Variants in MON1A observed in about 807,000 individuals in gnomAD.
MON1A encodes the protein vacuolar fusion protein MON1 homolog A.
A neutral mutation model predicts 44.6 loss-of-function variants in MON1A; 29 were observed. The observed-to-expected ratio is 0.65, with a 90% CI of 0.48 to 0.89. The LOEUF is 0.89. Ranked by LOEUF, MON1A falls within the 40% of genes least tolerant of loss-of-function variation. The probability of loss-of-function intolerance (pLI) is 0.00; values close to 1 mark genes in which losing one functional copy is unlikely to be tolerated. For synonymous variants in MON1A, 275 were observed against 316.4 expected (o/e 0.87, Z 1.39); for missense variants, 615 against 759.6 (o/e 0.81, Z 2.24).
chr3:49,922,137 CAA>C (rs57221907), intron 1 of MON1A, among the ~76,000 whole-genome samples: 81 of 134,954 alleles, frequency 6.0e-4, no homozygotes, highest in East Asian at 7.6e-4. Context: ...AGCTCTGTCT[CAA>C]AAAAAAAAAA....
chr3:49,909,611 C>G lies in MON1A; in HGVS notation c.1380-211G>C. 1.6e-6 allele frequency: 1 copy of G among 613,310 alleles called. No homozygotes were observed. The highest frequency in any genetic ancestry group is 1.8e-5 in the African/African-American group (1 of 54,222). 38.0% of individuals were successfully genotyped at this position (613,310 alleles called of 1,614,324 possible). A position where few individuals can be genotyped will look rare whatever the true frequency, so the allele number is the denominator to read the frequency against. The stretch of plus-strand genomic sequence containing the variant: ...GAGACTAGAGCTATGTCCCCTCTTA[C>G]CCCCTAAGCTCATAGTGTCTTTGGT... On this transcript the variant is annotated intron_variant, in intron 4 of 5. Transcript: ENST00000296473. The surrounding 1 kb of genome is among the most constrained non-coding windows in gnomAD (Gnocchi z 4.0).
intron 1 of MON1A, among the ~76,000 whole-genome samples, chr3:49,927,699 G>C (rs1229777315): frequency 6.6e-6 from 1 of 152,104 alleles, no homozygotes; most frequent in Non-Finnish European, 1.5e-5. Flanking sequence ...TGCAGGAATA[G>C]ACAACGGGCT....
In MON1A at chr3:49,911,330, T is replaced by C. The variant is rs2082883916; in HGVS notation, c.613+196A>G. Among the ~76,000 whole-genome samples the C allele has an allele frequency of 2.0e-5, 3 of 152,144 alleles. No homozygotes were observed. The highest frequency in any genetic ancestry group is 2.0e-4 in the Admixed American group (3 of 15,280). On this transcript the variant is annotated intron_variant, in intron 3 of 5. Coordinates refer to ENST00000296473, the MANE Select transcript of MON1A (RefSeq NM_032355.4). The surrounding 1 kb of genome is among the most constrained non-coding windows in gnomAD (Gnocchi z 5.7). ...AAGCCCATGTCAGAGGCAACTTTGG[T>C]CCTCGCCGCAGCCCCATGAGGCCAG...
At position 49,929,620 on chromosome 3, in the gene MON1A, A is replaced by C. The variant is rs982259515; in HGVS notation, c.-25T>G. 5.8e-6 allele frequency: 9 copies of C among 1,551,524 alleles called. No homozygotes were observed. In the African/African-American group the frequency reaches 1.2e-4, roughly 21 times the overall value. ...GGCAGTCAACTCACCTGTTTCTCAG[A>C]GGAGTCCAGGACGCACAGAAGGTGC... On this transcript the variant is annotated 5_prime_UTR_variant, in exon 1 of 6. Transcript: ENST00000296473.
At chr3:49,914,962 T>C (rs77144159) in intron 1 of MON1A, among the ~76,000 whole-genome samples, 3,159 of 152,292 alleles carry the variant, frequency 0.021, 133 homozygotes, top group African/African-American at 0.073. Context: ...ATTACAGGCA[T>C]GAGCCACCAT....
intron 1 of MON1A, among the ~76,000 whole-genome samples, chr3:49,928,895 A>G (rs2108542054): frequency 6.6e-6 from 1 of 152,222 alleles, no homozygotes; most frequent in South Asian, 2.1e-4. Flanking sequence ...ACAAGGGACA[A>G]CCCAGTTGCA....
In MON1A at chr3:49,910,718, C is replaced by A. The variant is rs759274953; in HGVS notation, c.780G>T (p.Gln260His). ...AQLSHIFQQKQNYDLRRLLSG... is the reference protein window; with the variant it reads ...AQLSHIFQQKHNYDLRRLLSG... ...AGAGTAGGCGCCGCAAATCATAGTT[C>A]TGCTTCTGCTGGAAGATGTGGCTCA... Residue 260 changes from glutamine to histidine, a missense_variant, in exon 4 of 6, where the codon CAG becomes CAT. Physicochemically the swap from Gln to His is conservative, Grantham distance 24. Coordinates refer to ENST00000296473, the MANE Select transcript of MON1A (RefSeq NM_032355.4). The surrounding 1 kb of genome is among the most constrained non-coding windows in gnomAD (Gnocchi z 8.0). 4 of 1,613,722 alleles carry A rather than the reference C, an allele frequency of 2.5e-6. No individual in the cohort carries two copies. The African/African-American group carries it at 5.3e-5, about 22-fold the overall frequency.
chr3:49,910,541 G>C lies in MON1A; in HGVS notation c.957C>G (p.Val319=), dbSNP rs890169556. 6.2e-7 allele frequency: 1 copy of C among 1,613,532 alleles called. No individual in the cohort carries two copies. The highest frequency in any genetic ancestry group is 1.7e-5 in the Admixed American group (1 of 59,944). The change falls in exon 4 of 6, where the codon GTC becomes GTG. Residue 319 remains valine (V), a synonymous_variant. Coordinates refer to ENST00000296473, the MANE Select transcript of MON1A (RefSeq NM_032355.4). This position sits in a 1 kb window ranked among gnomAD's most constrained non-coding sequence, Gnocchi z 8.0. ...SLQQARARSL[V]FSILLARNQL... is the part of the protein sequence containing the mutation. ...GGTTGCGGGCCAGCAGGATGGAGAAGACCAGGCTGCGCGCACGCGCCTGCT... is the reference window on the plus strand; with the variant it reads ...GGTTGCGGGCCAGCAGGATGGAGAACACCAGGCTGCGCGCACGCGCCTGCT...
intron 2 of MON1A, 167 bp downstream of exon 2, chr3:49,913,053 T>G (rs774566245): frequency 1.1e-6 from 1 of 881,378 alleles, no homozygotes; most frequent in Non-Finnish European, 1.8e-6. Context: ...GAAAGCCAGA[T>G]GCAGAATGAG....
chr3:49,911,295 T>C lies in MON1A; in HGVS notation c.613+231A>G, dbSNP rs2352984. Among the ~76,000 whole-genome samples the C allele has an allele frequency of 0.38, 57,287 of 151,110 alleles. 11,338 individuals carry two copies. Among genetic ancestry groups the C allele is most frequent in the Non-Finnish European group, 0.42 (28,753 of 67,732 alleles). Reference sequence around the variant, plus strand: ...CCTCCCCAGGGGGATTCTCACTCTCTCCAAAGGCAAAGCCCATGTCAGAGG... The same window carrying C: ...CCTCCCCAGGGGGATTCTCACTCTCCCCAAAGGCAAAGCCCATGTCAGAGG... On this transcript the variant is annotated intron_variant, in intron 3 of 5. Coordinates refer to ENST00000296473, the MANE Select transcript of MON1A (RefSeq NM_032355.4). The surrounding 1 kb of genome is among the most constrained non-coding windows in gnomAD (Gnocchi z 5.7).
chr3:49,910,352 G>A lies in MON1A; in HGVS notation c.1146C>T (p.Ile382=). The change falls in exon 4 of 6, where the codon ATC becomes ATT. Residue 382 remains isoleucine (I), a synonymous_variant. Coordinates refer to ENST00000296473, the MANE Select transcript of MON1A (RefSeq NM_032355.4). The surrounding 1 kb of genome is among the most constrained non-coding windows in gnomAD (Gnocchi z 8.0). ...FNAAGFFHAH[I]SYLEPDTDLC... The stretch of plus-strand genomic sequence containing the variant: ...GGTCAGTGTCAGGCTCTAGGTAAGA[G>A]ATGTGTGCGTGGAAGAAGCCGGCTG... 1 of 1,614,246 alleles carries A rather than the reference G, an allele frequency of 6.2e-7. No individual in the cohort carries two copies. Among genetic ancestry groups the A allele is most frequent in the Non-Finnish European group, 8.5e-7 (1 of 1,180,050 alleles).
At chr3:49,914,865 G>T (rs910940895) in intron 1 of MON1A, among the ~76,000 whole-genome samples, 5 of 152,140 alleles carry the variant, frequency 3.3e-5, no homozygotes, top group South Asian at 4.1e-4. Context: ...ATTTTTTATA[G>T]AGACAAGGTC....
intron 1 of MON1A, among the ~76,000 whole-genome samples, chr3:49,921,920 C>A (rs1003152182): frequency 7.0e-6 from 1 of 143,492 alleles, no homozygotes; most frequent in Admixed American, 7.0e-5. Context: ...GGTGGATCAC[C>A]TGAAGTCAGG....
chr3:49,910,843 G>A lies in MON1A; in HGVS notation c.655C>T (p.Leu219=), dbSNP rs767296484. The A allele has an allele frequency of 2.2e-5, 35 of 1,612,536 alleles. No homozygotes were observed. Among genetic ancestry groups the A allele is most frequent in the Non-Finnish European group, 2.9e-5 (34 of 1,178,946 alleles). Residue 219 remains leucine (L), a synonymous_variant, in exon 4 of 6, where the codon CTA becomes TTA. Transcript: ENST00000296473. The surrounding 1 kb of genome is among the most constrained non-coding windows in gnomAD (Gnocchi z 8.0). ...VVFVRRSPLV[L]VAVARTRQSA... is the part of the protein sequence containing the mutation. ...TGCCGCGTACGAGCCACCGCCACTA[G>A]CACCAGCGGGCTCCGGCGCACGAAT...
In MON1A at chr3:49,910,207, G is replaced by A. The variant is rs377517287; in HGVS notation, c.1291C>T (p.Arg431Cys). ...TGGGCAACGCTGTAGTAGGGTGTGC[G>A]CAGTGCCTCTCGCAGGGCCAGGTGG... ...GAHLALREALRTPYYSVAQVG... is the reference protein window; with the variant it reads ...GAHLALREALCTPYYSVAQVG... Residue 431 changes from arginine (R) to cysteine (C), a missense_variant, in exon 4 of 6, where the codon CGC becomes TGC. Coordinates refer to ENST00000296473, the MANE Select transcript of MON1A (RefSeq NM_032355.4). This position sits in a 1 kb window ranked among gnomAD's most constrained non-coding sequence, Gnocchi z 8.0. The A allele has an allele frequency of 3.5e-5, 56 of 1,613,992 alleles. 1 individual carries two copies. The highest frequency in any genetic ancestry group is 4.4e-5 in the Non-Finnish European group (52 of 1,180,030).
chr3:49,911,833 C>G lies in MON1A; in HGVS notation c.306G>C (p.Thr102=). The change falls in exon 3 of 6, where the codon ACG becomes ACC. Residue 102 remains threonine, a synonymous_variant. Coordinates refer to ENST00000296473, the MANE Select transcript of MON1A (RefSeq NM_032355.4). The surrounding 1 kb of genome is among the most constrained non-coding windows in gnomAD (Gnocchi z 5.7). ...CCTCCTGCAGGTCCCGGGCCACACC[C>G]GTCAGCTGGGTGCTTAGCTCGCTAA... ...QDFSELSTQL[T]GVARDLQEEM... The G allele has an allele frequency of 6.2e-7, 1 of 1,614,104 alleles. No individual in the cohort carries two copies. The highest frequency in any genetic ancestry group is 8.5e-7 in the Non-Finnish European group (1 of 1,180,014).
Position 49,927,811 on chromosome 3 carries a change from G to C in MON1A, c.-14+1798C>G, listed in dbSNP as rs1386471303. On this transcript the variant is annotated intron_variant, in intron 1 of 5. Coordinates refer to ENST00000296473, the MANE Select transcript of MON1A (RefSeq NM_032355.4). The stretch of plus-strand genomic sequence containing the variant: ...AGCTACTCAGGAGGCTGAGGCAGGA[G>C]AATCACTTGAACCCAGGGGGCAGAG... Among the ~76,000 whole-genome samples, 4 of 151,714 alleles carry C rather than the reference G, an allele frequency of 2.6e-5. No individual in the cohort carries two copies. In the East Asian group the frequency reaches 7.7e-4, roughly 29 times the overall value.
intron 1 of MON1A, among the ~76,000 whole-genome samples, chr3:49,927,146 A>C (rs996719809): frequency 3.3e-5 from 5 of 152,174 alleles, no homozygotes; most frequent in Admixed American, 1.3e-4. Context: ...AAGATCTCTG[A>C]AGAATGCCCA....
intron 1 of MON1A, among the ~76,000 whole-genome samples, chr3:49,924,318 C>T (rs145634767): frequency 2.6e-5 from 4 of 152,280 alleles, no homozygotes; most frequent in East Asian, 1.9e-4. Context: ...TCCTGCTATG[C>T]GACTTTGCAT....
Sources: allele counts gnomAD v4.1 joint callset (sites outside exome capture counted in the v4.1 genomes callset), GRCh38; gene constraint gnomAD v4.1.1; non-coding constraint Gnocchi (gnomAD v3.1); transcripts MANE v1.5; gene names NCBI Gene and HGNC (gene_info 2026-07-23, HGNC 2026-07-21).